The following ENOX1 variants were observed in gnomAD, a reference collection of about 807,000 sequenced individuals.
ENOX1 encodes ecto-NOX disulfide-thiol exchanger 1.
ENOX1 carries 42 observed loss-of-function variants against 82.5 expected under a neutral mutation model. That is an observed-to-expected ratio of 0.51 (90% CI 0.40 to 0.66). The LOEUF (loss-of-function observed/expected upper bound fraction) is 0.66, where lower values mean the gene tolerates loss of function less well. ENOX1 is among the 30% of genes least tolerant of loss of function. The probability of loss-of-function intolerance (pLI) is 0.00; values close to 1 mark genes in which losing one functional copy is unlikely to be tolerated. For synonymous variants in ENOX1, 271 were observed against 282.2 expected (o/e 0.96, Z 0.40); for missense variants, 608 against 811.6 (o/e 0.75, Z 3.05).
intron 5 of ENOX1, among the ~76,000 whole-genome samples, chr13:43,389,646 T>C (rs2052647233): frequency 6.6e-6 from 1 of 152,182 alleles, no homozygotes; most frequent in Admixed American, 6.5e-5. Flanking sequence ...GAAAGATAGA[T>C]ATTATTGATA....
chr13:43,677,758 A>C (rs545547569), intron 1 of ENOX1, among the ~76,000 whole-genome samples: 1 of 152,316 alleles, frequency 6.6e-6, no homozygotes, highest in South Asian at 2.1e-4. Flanking sequence ...TCCTGACTCA[A>C]AGAGATTTAG....
At chr13:43,678,622 T>C (rs2085631806) in intron 1 of ENOX1, among the ~76,000 whole-genome samples, 1 of 152,192 alleles carries the variant, frequency 6.6e-6, no homozygotes. Context: ...ATCTAGCTGT[T>C]TGTCAGCTAC....
chr13:43,320,289 G>A (rs916174385), intron 11 of ENOX1, among the ~76,000 whole-genome samples: 1 of 152,206 alleles, frequency 6.6e-6, no homozygotes, highest in Non-Finnish European at 1.5e-5. Context: ...TCGGGGCCTG[G>A]CATTTGAACT....
chr13:43,533,329 A>G (rs577635714), intron 2 of ENOX1, among the ~76,000 whole-genome samples: 144 of 152,166 alleles, frequency 9.5e-4, no homozygotes, highest in Non-Finnish European at 1.7e-3. Context: ...CTCCCTTCTC[A>G]ATATTTTGTG....
intron 5 of ENOX1, among the ~76,000 whole-genome samples, chr13:43,403,716 C>G (rs2153592117): frequency 6.6e-6 from 1 of 152,120 alleles, no homozygotes; most frequent in South Asian, 2.1e-4. Flanking sequence ...TGGCACACAT[C>G]TGTGGTCCCA....
At chr13:43,614,580 T>C (rs969681788) in intron 2 of ENOX1, among the ~76,000 whole-genome samples, 2 of 148,892 alleles carry the variant, frequency 1.3e-5, no homozygotes, top group Non-Finnish European at 3.0e-5. Context: ...ACTTGTGTTC[T>C]CACTTTCTCT....
chr13:43,322,090 A>T (rs2047841419), intron 11 of ENOX1, among the ~76,000 whole-genome samples: 1 of 152,252 alleles, frequency 6.6e-6, no homozygotes, highest in African/African-American at 2.4e-5. Context: ...TATTTTTAGC[A>T]TCAGCTGTGG....
rs1479936867 is a variant in ENOX1 at position 43,470,367 on chromosome 13, TATATATATAC to T, written c.-75+13632_-75+13641del. ...GTATATATATATGTATATATATACG[TATATATATAC>T]ATATATATACGTATATATATGTGTA... On this transcript the variant is annotated intron_variant, in intron 3 of 16. Transcript: ENST00000690772. Among the ~76,000 whole-genome samples, 88 of 46,680 alleles carry T rather than the reference TATATATATAC, an allele frequency of 1.9e-3. 6 individuals carry two copies. The highest frequency in any genetic ancestry group is 5.6e-3 in the African/African-American group (82 of 14,574). 30.6% of individuals were successfully genotyped at this position (46,680 alleles called of 152,430 possible).
At chr13:43,247,858 TATATATATATATATATA>T (rs2043191733) in intron 14 of ENOX1, among the ~76,000 whole-genome samples, 78 of 3,834 alleles carry the variant, frequency 0.02, 5 homozygotes, top group African/African-American at 0.037. Context: ...TATATATATA[TATATATATATATATATA>T]TATATATATT....
intron 11 of ENOX1, among the ~76,000 whole-genome samples, chr13:43,301,574 TC>T (rs11423671): frequency 6.9e-6 from 1 of 145,428 alleles, no homozygotes; most frequent in Non-Finnish European, 1.5e-5. Flanking sequence ...CAGCTGTAAT[TC>T]CCCCACCAAA....
At chr13:43,685,687 T>C (rs1426949791) in intron 1 of ENOX1, among the ~76,000 whole-genome samples, 1 of 152,126 alleles carries the variant, frequency 6.6e-6, no homozygotes, top group Non-Finnish European at 1.5e-5. Flanking sequence ...ATTATTCTGC[T>C]GTCTTCCTCC....
At chr13:43,457,212 T>C (rs995210150) in intron 3 of ENOX1, among the ~76,000 whole-genome samples, 6 of 152,268 alleles carry the variant, frequency 3.9e-5, no homozygotes, top group Admixed American at 3.3e-4. Flanking sequence ...TATGTACTTA[T>C]GTATTTTGTT....
At chr13:43,443,242 T>C (rs1448715896) in intron 3 of ENOX1, among the ~76,000 whole-genome samples, 1 of 152,214 alleles carries the variant, frequency 6.6e-6, no homozygotes, top group African/African-American at 2.4e-5. Context: ...TTCTGTTCAA[T>C]TCGGATGTGG....
intron 2 of ENOX1, among the ~76,000 whole-genome samples, chr13:43,603,509 G>A (rs575022845): frequency 4.2e-4 from 63 of 150,810 alleles, no homozygotes; most frequent in African/African-American, 1.4e-3. Flanking sequence ...TCAGCATTAG[G>A]TATATCTCCT....
At chr13:43,493,325 T>C (rs1284830820) in intron 2 of ENOX1, among the ~76,000 whole-genome samples, 1 of 152,106 alleles carries the variant, frequency 6.6e-6, no homozygotes, top group Non-Finnish European at 1.5e-5. Context: ...ATCTGGAAGT[T>C]GGAGAACAAG....
intron 1 of ENOX1, among the ~76,000 whole-genome samples, chr13:43,747,743 C>A (rs893743017): frequency 3.3e-5 from 5 of 152,172 alleles, no homozygotes; most frequent in African/African-American, 1.2e-4. Flanking sequence ...AAATTGGATA[C>A]CTTTTTATTT....
Position 43,648,661 on chromosome 13 carries a change from G to A in ENOX1, c.-219+18818C>T, listed in dbSNP as rs2084011758. Among the ~76,000 whole-genome samples the A allele has an allele frequency of 2.0e-5, 3 of 152,142 alleles. No individual in the cohort carries two copies. In the South Asian group the frequency reaches 6.2e-4, roughly 32 times the overall value. The stretch of plus-strand genomic sequence containing the variant: ...ATACCTGTTTTTGAGAAATTGATAT[G>A]ACTTCTCACTCCAAGGAAAAGTGTG... On this transcript the variant is annotated intron_variant, in intron 2 of 16. Coordinates refer to ENST00000690772, the MANE Select transcript of ENOX1 (RefSeq NM_001347969.2).
At chr13:43,522,392 AC>A (rs2077809154) in intron 2 of ENOX1, among the ~76,000 whole-genome samples, 1 of 152,132 alleles carries the variant, frequency 6.6e-6, no homozygotes, top group South Asian at 2.1e-4. Flanking sequence ...AAGAAAAATA[AC>A]CCCTAATCCA....
At chr13:43,382,347 C>T (rs2052107210) in intron 5 of ENOX1, among the ~76,000 whole-genome samples, 1 of 152,050 alleles carries the variant, frequency 6.6e-6, no homozygotes, top group Non-Finnish European at 1.5e-5. Flanking sequence ...AGGAAATTTC[C>T]TCAGTAAAGG....
Sources: gnomAD v4.1 joint callset for allele counts (sites outside exome capture counted in the v4.1 genomes callset) on GRCh38, gnomAD v4.1.1 for gene constraint, MANE v1.5 for transcripts, NCBI Gene and HGNC (gene_info 2026-07-23, HGNC 2026-07-21) for gene names.